ULK4: variants seen among roughly 807,000 people sequenced by gnomAD.
ULK4 encodes the protein unc-51 like kinase 4.
ULK4 carries 133 observed loss-of-function variants against 160.6 expected under a neutral mutation model. The observed-to-expected ratio is 0.83, with a 90% CI of 0.72 to 0.96. ULK4 has a LOEUF of 0.96. ULK4 is among the 40% of genes least tolerant of loss of function. The probability of loss-of-function intolerance (pLI) is 0.00; values close to 1 mark genes in which losing one functional copy is unlikely to be tolerated. For missense variants in ULK4, 1,580 were observed against 1,499.5 expected, an observed-to-expected ratio of 1.05 and a Z score of -0.89; for synonymous variants, 534 against 539.8, an observed-to-expected ratio of 0.99 and a Z score of 0.15.
chr3:41,280,340 A>T (rs2079326754), intron 35 of ULK4, among the ~76,000 whole-genome samples: 1 of 152,224 alleles, frequency 6.6e-6, no homozygotes, highest in Non-Finnish European at 1.5e-5. Flanking sequence ...CTCCACCTCA[A>T]ATAAACAGAA....
Position 41,932,002 on chromosome 3 carries a change from A to T in ULK4, c.383T>A (p.Leu128His), listed in dbSNP as rs755637780. The change falls in exon 5 of 37, where the codon CTC becomes CAC. Residue 128 changes from leucine (L) to histidine (H), a missense_variant. By Grantham distance (99) the Leu-to-His change is moderately conservative. Coordinates refer to ENST00000301831, the MANE Select transcript of ULK4 (RefSeq NM_017886.4). ...LFCDISPRKI[L>H]LEGPGTLKFS... is the part of the protein sequence containing the mutation. Reference sequence around the variant, plus strand: ...CTTCAGTGTGCCAGGCCCTTCCAAGAGTATCTATGAAGATCAAATAAATGT... The same window carrying T: ...CTTCAGTGTGCCAGGCCCTTCCAAGTGTATCTATGAAGATCAAATAAATGT... 3.7e-6 allele frequency: 6 copies of T among 1,612,458 alleles called. No individual in the cohort carries two copies. In the Admixed American group the frequency reaches 1.0e-4, roughly 27 times the overall value.
intron 32 of ULK4, among the ~76,000 whole-genome samples, chr3:41,551,012 A>G (rs1458296365): frequency 3.3e-5 from 5 of 151,786 alleles, no homozygotes; most frequent in Non-Finnish European, 7.4e-5. Context: ...ATGGAAACAA[A>G]TTTGCTCCTG....
intron 21 of ULK4, among the ~76,000 whole-genome samples, chr3:41,771,913 T>C (rs928270464): frequency 6.6e-6 from 1 of 152,148 alleles, no homozygotes; most frequent in East Asian, 1.9e-4. Context: ...AAATCCTTTT[T>C]AAGAAACAAT....
At chr3:41,704,915 T>C (rs2036816942) in intron 27 of ULK4, 142 bp downstream of exon 27, 2 of 575,500 alleles carry the variant, frequency 3.5e-6, no homozygotes, top group Non-Finnish European at 5.8e-6. Flanking sequence ...CCTATGTTCA[T>C]CCTGCCAGGG....
chr3:41,657,984 A>G (rs926406631), intron 30 of ULK4, among the ~76,000 whole-genome samples: 5 of 152,152 alleles, frequency 3.3e-5, no homozygotes, highest in African/African-American at 1.2e-4. Context: ...GACCACTTAC[A>G]AAAATTGACC....
chr3:41,660,361 T>C (rs1254137719), intron 30 of ULK4, among the ~76,000 whole-genome samples: 3 of 151,598 alleles, frequency 2.0e-5, no homozygotes, highest in African/African-American at 2.4e-5. Context: ...GGATACATAA[T>C]GAATAAAAAT....
chr3:41,290,808 G>A (rs1043159876), intron 35 of ULK4, among the ~76,000 whole-genome samples: 1 of 152,182 alleles, frequency 6.6e-6, no homozygotes, highest in Non-Finnish European at 1.5e-5. Context: ...ACCCTTCTAT[G>A]TTCCTGCCTG....
At chr3:41,383,902 C>T (rs1242647535) in intron 35 of ULK4, among the ~76,000 whole-genome samples, 1 of 152,176 alleles carries the variant, frequency 6.6e-6, no homozygotes. Context: ...TTGGTCCTTT[C>T]CACATTTTAA....
intron 35 of ULK4, among the ~76,000 whole-genome samples, chr3:41,341,980 A>G (rs1195001763): frequency 2.0e-5 from 3 of 152,254 alleles, no homozygotes; most frequent in Admixed American, 6.5e-5. Flanking sequence ...TTAAAAGCCA[A>G]TGCAGCACAT....
chr3:41,937,063 A>T (rs1170589397), intron 3 of ULK4: 3 of 398,056 alleles, frequency 7.5e-6, no homozygotes, highest in Non-Finnish European at 1.4e-5. Context: ...ACAAAAATTA[A>T]ATATTAATAC....
chr3:41,823,518 A>C (rs537326502), intron 18 of ULK4, among the ~76,000 whole-genome samples: 42 of 152,306 alleles, frequency 2.8e-4, no homozygotes, highest in African/African-American at 1.0e-3. Context: ...AAAAACTGAA[A>C]ATGTGTTGCC....
intron 5 of ULK4, among the ~76,000 whole-genome samples, chr3:41,921,475 C>A (rs1699179943): frequency 6.6e-6 from 1 of 151,988 alleles, no homozygotes; most frequent in African/African-American, 2.4e-5. Context: ...ATTAGCCAGG[C>A]ATGGTGGCAG....
At chr3:41,331,487 A>G (rs916506070) in intron 35 of ULK4, among the ~76,000 whole-genome samples, 1 of 152,184 alleles carries the variant, frequency 6.6e-6, no homozygotes, top group Non-Finnish European at 1.5e-5. Flanking sequence ...AAGAAGAAAA[A>G]TATCTGTCTA....
At chr3:41,393,672 C>T (rs918214390) in intron 35 of ULK4, among the ~76,000 whole-genome samples, 1 of 152,166 alleles carries the variant, frequency 6.6e-6, no homozygotes, top group Non-Finnish European at 1.5e-5. Context: ...AAGATCATGT[C>T]TTACTGTTTC....
intron 17 of ULK4, among the ~76,000 whole-genome samples, chr3:41,873,883 T>G (rs1173892640): frequency 1.1e-4 from 16 of 146,118 alleles, no homozygotes; most frequent in South Asian, 2.2e-4. Flanking sequence ...TTTTTTTTGT[T>G]TTTTTTTTTT....
chr3:41,768,063 T>A (rs1575672560), intron 21 of ULK4, among the ~76,000 whole-genome samples: 3 of 151,948 alleles, frequency 2.0e-5, no homozygotes, highest in Non-Finnish European at 4.4e-5. Context: ...CTCATAGGAG[T>A]GTGAACCCTA....
chr3:41,900,876 A>G (rs1698328466), intron 12 of ULK4, 47 bp from the exon 13 acceptor site: 1 of 1,414,994 alleles, frequency 7.1e-7, no homozygotes, highest in African/African-American at 1.4e-5. Context: ...ACTAATGTAG[A>G]TCTTTAAAAC....
At chr3:41,830,969 T>G (rs566988681) in intron 18 of ULK4, among the ~76,000 whole-genome samples, 107 of 152,070 alleles carry the variant, frequency 7.0e-4, no homozygotes, top group Non-Finnish European at 1.0e-3. Flanking sequence ...TCACAAAACT[T>G]GGCACATAAT....
chr3:41,461,003 G>A (rs1413157261), intron 33 of ULK4, among the ~76,000 whole-genome samples: 1 of 152,054 alleles, frequency 6.6e-6, no homozygotes, highest in Non-Finnish European at 1.5e-5. Context: ...CCACACCACT[G>A]AGTCTCAGGC....
Sources: allele counts gnomAD v4.1 joint callset (sites outside exome capture counted in the v4.1 genomes callset), GRCh38; gene constraint gnomAD v4.1.1; transcripts MANE v1.5; gene names NCBI Gene and HGNC (gene_info 2026-07-23, HGNC 2026-07-21).